CNTLN: variants seen among roughly 807,000 people sequenced by gnomAD.
CNTLN encodes the protein centlein, centrosomal protein.
A neutral mutation model predicts 180.0 loss-of-function variants in CNTLN; 212 were observed. The ratio of observed to expected loss-of-function variants is 1.18; its 90% confidence interval spans 1.05 to 1.32. CNTLN has a LOEUF of 1.32. CNTLN is among the 40% of genes most tolerant of loss of function. CNTLN has a pLI of 0.00. For missense variants in CNTLN, 2,095 were observed against 1,610.9 expected (o/e 1.30, Z -5.14); for synonymous variants, 722 against 563.1 (o/e 1.28, Z -3.99).
intron 12 of CNTLN, among the ~76,000 whole-genome samples, chr9:17,349,704 A>T (rs188155677): frequency 6.6e-6 from 1 of 152,282 alleles, no homozygotes; most frequent in Non-Finnish European, 1.5e-5. Context: ...TTTATAAGAT[A>T]TATCTATCAT....
At chr9:17,319,670 T>C (rs563195860) in intron 8 of CNTLN, among the ~76,000 whole-genome samples, 11 of 152,176 alleles carry the variant, frequency 7.2e-5, no homozygotes, top group African/African-American at 2.2e-4. Flanking sequence ...GGTATTATAA[T>C]AGTACTTACC....
chr9:17,429,623 A>G (rs2133972796), intron 18 of CNTLN, among the ~76,000 whole-genome samples: 1 of 152,130 alleles, frequency 6.6e-6, no homozygotes, highest in South Asian at 2.1e-4. Context: ...TAATTGGATA[A>G]GAATTATTAT....
intron 2 of CNTLN, among the ~76,000 whole-genome samples, chr9:17,151,591 T>G (rs988861247): frequency 6.6e-6 from 1 of 152,238 alleles, no homozygotes; most frequent in Non-Finnish European, 1.5e-5. Context: ...TTCGCATTGA[T>G]GTTCATCAGG....
intron 2 of CNTLN, among the ~76,000 whole-genome samples, chr9:17,204,866 T>G (rs1390161034): frequency 6.6e-6 from 1 of 152,186 alleles, no homozygotes; most frequent in African/African-American, 2.4e-5. Flanking sequence ...ACTGCTGCCT[T>G]TCCTTCACAA....
intron 2 of CNTLN, among the ~76,000 whole-genome samples, chr9:17,156,592 C>G (rs1463948712): frequency 6.6e-6 from 1 of 152,014 alleles, no homozygotes; most frequent in Non-Finnish European, 1.5e-5. Context: ...TTGTAGTACT[C>G]TGTACCCTAT....
At chr9:17,145,118 G>A (rs1399833872) in intron 2 of CNTLN, among the ~76,000 whole-genome samples, 1 of 150,066 alleles carries the variant, frequency 6.7e-6, no homozygotes, top group African/African-American at 2.5e-5. Flanking sequence ...TGGGATTACA[G>A]GCGTGAGCCA....
chr9:17,256,849 C>G (rs188500351), intron 5 of CNTLN, among the ~76,000 whole-genome samples: 3 of 151,744 alleles, frequency 2.0e-5, no homozygotes, highest in Non-Finnish European at 2.9e-5. Flanking sequence ...TTTGGAAGGT[C>G]AAATAATTTA....
At chr9:17,271,270 A>C (rs1165305227) in intron 5 of CNTLN, among the ~76,000 whole-genome samples, 1 of 151,932 alleles carries the variant, frequency 6.6e-6, no homozygotes, top group Non-Finnish European at 1.5e-5. Context: ...TGGGAGCATG[A>C]TTTGTGGGGG....
intron 13 of CNTLN, among the ~76,000 whole-genome samples, chr9:17,370,238 A>G (rs753823976): frequency 6.6e-6 from 1 of 152,182 alleles, no homozygotes; most frequent in Non-Finnish European, 1.5e-5. Context: ...TTAACCCAAA[A>G]AAGACAACCT....
At chr9:17,166,834 G>T (rs1229814796) in intron 2 of CNTLN, 2 of 435,950 alleles carry the variant, frequency 4.6e-6, no homozygotes, top group Non-Finnish European at 4.7e-6. Flanking sequence ...ACCGGAAGAT[G>T]TGTACCACCA....
intron 2 of CNTLN, among the ~76,000 whole-genome samples, chr9:17,189,676 G>A (rs1232178569): frequency 6.6e-6 from 1 of 151,460 alleles, no homozygotes; most frequent in East Asian, 2.0e-4. Flanking sequence ...TAGTAGAGAC[G>A]GGGTTTCCCT....
At chr9:17,213,128 G>C (rs1441491997) in intron 2 of CNTLN, among the ~76,000 whole-genome samples, 3 of 152,076 alleles carry the variant, frequency 2.0e-5, no homozygotes, top group Non-Finnish European at 4.4e-5. Context: ...TGCTTCTCTA[G>C]TTCTTTTAAT....
At chr9:17,334,079 A>C (rs1351174030) in intron 10 of CNTLN, among the ~76,000 whole-genome samples, 1 of 151,988 alleles carries the variant, frequency 6.6e-6, no homozygotes, top group Non-Finnish European at 1.5e-5. Flanking sequence ...CTTTCCCTTG[A>C]GACAGAGTCT....
chr9:17,446,424 AT>A, intron 18 of CNTLN, among the ~76,000 whole-genome samples: 1 of 152,180 alleles, frequency 6.6e-6, no homozygotes. Context: ...TAGCTTGAAT[AT>A]ATGAATTTGG....
intron 12 of CNTLN, among the ~76,000 whole-genome samples, chr9:17,357,561 GTATATATATAAATACTACATATA>G (rs1463815329): frequency 7.0e-6 from 1 of 143,630 alleles, no homozygotes; most frequent in Non-Finnish European, 1.5e-5. Flanking sequence ...TGGGTACCAT[GTATATATATAAATACTACATATA>G]TATATATATA....
intron 15 of CNTLN, among the ~76,000 whole-genome samples, chr9:17,401,908 G>C (rs561925802): frequency 1.2e-5 from 1 of 84,024 alleles, no homozygotes; most frequent in South Asian, 3.4e-4. Flanking sequence ...AACACATAAA[G>C]AAGGTAAAGG....
intron 10 of CNTLN, among the ~76,000 whole-genome samples, chr9:17,334,297 T>A (rs1170155648): frequency 2.6e-5 from 4 of 151,990 alleles, no homozygotes; most frequent in African/African-American, 9.7e-5. Flanking sequence ...TGACCTCAAA[T>A]GATCCTCCTG....
the CNTLN span, among the ~76,000 whole-genome samples, chr9:17,518,852 A>G: frequency 2.0e-5 from 3 of 152,204 alleles, no homozygotes; most frequent in Non-Finnish European, 4.4e-5. Flanking sequence ...AGTGATGAAC[A>G]GAGCTTCCCT....
intron 6 of CNTLN, among the ~76,000 whole-genome samples, chr9:17,274,786 G>A (rs1828204785): frequency 1.3e-5 from 2 of 152,010 alleles, no homozygotes; most frequent in South Asian, 4.2e-4. Context: ...AGTGGGCATT[G>A]GTAAGGGGGT....
Sources: allele counts gnomAD v4.1 joint callset (sites outside exome capture counted in the v4.1 genomes callset), GRCh38; gene constraint gnomAD v4.1.1; transcripts MANE v1.5; gene names NCBI Gene and HGNC (gene_info 2026-07-23, HGNC 2026-07-21).